The following COG2 variants were observed in gnomAD, a reference collection of about 807,000 sequenced individuals.
The protein encoded by COG2 is component of oligomeric golgi complex 2, also known as conserved oligomeric Golgi complex subunit 2.
Under a neutral mutation model 90.6 loss-of-function variants are expected in COG2, and 52 were observed. That is an observed-to-expected ratio of 0.57 (90% CI 0.46 to 0.72). The LOEUF (loss-of-function observed/expected upper bound fraction) is 0.72. Ranked by LOEUF, COG2 falls within the 30% of genes least tolerant of loss-of-function variation. COG2 has a pLI of 0.00. For synonymous variants in COG2, 337 were observed against 320.4 expected, an observed-to-expected ratio of 1.05 and a Z score of -0.55; for missense variants, 829 against 891.2, an observed-to-expected ratio of 0.93 and a Z score of 0.89.
At chr1:230,667,845 A>G (rs937980486) in intron 5 of COG2, among the ~76,000 whole-genome samples, 4 of 152,170 alleles carry the variant, frequency 2.6e-5, no homozygotes, top group Non-Finnish European at 4.4e-5. Flanking sequence ...ATGCCTCAGT[A>G]TACACAGCAA....
Position 230,659,490 on chromosome 1 carries a change from G to T in COG2, c.99G>T (p.Val33=). The change falls in exon 2 of 18, where the codon GTG becomes GTT. Residue 33 remains valine (V), a synonymous_variant. Transcript: ENST00000366669. ...AAGATTTCGATGTCGATCATTTTGT[G>T]TCTGACTGTAGGAAGCGGGTCCAGC... ...MKEDFDVDHF[V]SDCRKRVQLE... is the part of the protein sequence containing the mutation. The T allele has an allele frequency of 6.2e-7, 1 of 1,613,732 alleles. No homozygotes were observed. Among genetic ancestry groups the T allele is most frequent in the Non-Finnish European group, 8.5e-7 (1 of 1,179,832 alleles).
In COG2 at chr1:230,691,298, CTT is replaced by C. The variant is rs1014066681; in HGVS notation, c.1935-80_1935-79del. On this transcript the variant is annotated intron_variant, in intron 16 of 17. Coordinates refer to ENST00000366669, the MANE Select transcript of COG2 (RefSeq NM_007357.3). ...AAGTGAATTTTTATCTTAAAAATCT[CTT>C]TTTTTGGTCCACAAAGCCAGTTACT... The C allele has an allele frequency of 6.6e-6, 8 of 1,214,524 alleles. No homozygotes were observed. In the African/African-American group the frequency reaches 1.3e-4, roughly 19 times the overall value. The allele number at this position is 1,214,524 out of a possible 1,614,324, so 75.2% of individuals were successfully genotyped here. A position where few individuals can be genotyped will look rare whatever the true frequency, so the allele number is the denominator to read the frequency against.
Position 230,642,674 on chromosome 1 carries a change from T to C in COG2, c.68T>C (p.Met23Thr), listed in dbSNP as rs770208748. 4 of 1,612,598 alleles carry C rather than the reference T, an allele frequency of 2.5e-6. No homozygotes were observed. The highest frequency in any genetic ancestry group is 3.3e-5 in the Admixed American group (2 of 59,880). The stretch of plus-strand genomic sequence containing the variant: ...CTCTGCTTCGACAAGGACGAGTTCA[T>C]GAAGGTGCGCGCGGCGTCCGCTCCC... ...DTLCFDKDEF[M>T]KEDFDVDHFV... Residue 23 changes from methionine (M) to threonine (T), a missense_variant, in exon 1 of 18, where the codon ATG (methionine) becomes ACG (threonine). By Grantham distance (81) the Met-to-Thr change is moderately conservative. Transcript: ENST00000366669.
intron 1 of COG2, 34 bp downstream of exon 1, chr1:230,642,712 A>G (rs1439326081): frequency 1.9e-6 from 3 of 1,599,650 alleles, no homozygotes; most frequent in South Asian, 1.1e-5. Context: ...GAGCCGGGCC[A>G]TGAGGGTGCC....
chr1:230,645,630 A>G (rs1661751202), intron 1 of COG2, among the ~76,000 whole-genome samples: 1 of 152,206 alleles, frequency 6.6e-6, no homozygotes, highest in Non-Finnish European at 1.5e-5. Flanking sequence ...CAAGCGCATT[A>G]CATTTATTGT....
chr1:230,662,836 C>G (rs1662215297), intron 3 of COG2, among the ~76,000 whole-genome samples: 1 of 152,146 alleles, frequency 6.6e-6, no homozygotes, highest in African/African-American at 2.4e-5. Flanking sequence ...AGTCTCATCT[C>G]CCCCACCAGA....
intron 11 of COG2, 112 bp from the exon 12 acceptor site, chr1:230,684,973 C>T (rs1442426733): frequency 1.5e-6 from 2 of 1,297,828 alleles, no homozygotes; most frequent in African/African-American, 1.5e-5. Flanking sequence ...TGGTTTTCTT[C>T]AGAAGGCCAT....
chr1:230,688,648 A>G (rs1662946182), intron 15 of COG2, 86 bp downstream of exon 15: 2 of 1,441,114 alleles, frequency 1.4e-6, no homozygotes, highest in African/African-American at 2.8e-5. Flanking sequence ...GAAGCGGCGG[A>G]TTCCCAGGGT....
At chr1:230,682,169 C>G (rs1662764471) in intron 10 of COG2, 1 of 152,162 alleles carries the variant, frequency 6.6e-6, no homozygotes, top group Non-Finnish European at 1.5e-5. Flanking sequence ...CCAGTTTTTC[C>G]CTGATATAAA....
Position 230,686,965 on chromosome 1 carries a change from C to A in COG2, c.1411C>A (p.Pro471Thr). The A allele has an allele frequency of 1.3e-6, 2 of 1,593,094 alleles. No homozygotes were observed. Among genetic ancestry groups the A allele is most frequent in the South Asian group, 1.1e-5 (1 of 87,598 alleles). Residue 471 changes from proline (P) to threonine (T), a missense_variant, in exon 13 of 18, where the codon CCC (proline) becomes ACC (threonine). By Grantham distance (38) the Pro-to-Thr change is conservative. Coordinates refer to ENST00000366669, the MANE Select transcript of COG2 (RefSeq NM_007357.3). ...LSLRPISNESPKEIKKPLVTG... is the reference protein window; with the variant it reads ...LSLRPISNESTKEIKKPLVTG... Reference sequence around the variant, plus strand: ...ACTCAGGCCCATTTCTAATGAAAGTCCCAAGGAGATCAAGAAACCTTTGGT... The same window carrying A: ...ACTCAGGCCCATTTCTAATGAAAGTACCAAGGAGATCAAGAAACCTTTGGT...
Position 230,688,400 on chromosome 1 carries a change from CCAGTCTTTAATCTCAA to C in COG2, c.1652-16_1652-1del. 6.2e-7 allele frequency: 1 copy of C among 1,612,864 alleles called. No individual in the cohort carries two copies. The highest frequency in any genetic ancestry group is 2.2e-5 in the East Asian group (1 of 44,878). ...CTGGGCCTGAGCATGATGATTAAAT[CCAGTCTTTAATCTCAA>C]CAGCAGCCCTGGAGGACTCCCAGAG... On this transcript the variant is annotated splice_polypyrimidine_tract_variant and splice_region_variant and intron_variant, in intron 14 of 17. Transcript: ENST00000366669.
chr1:230,642,653 G>T lies in COG2; in HGVS notation c.47G>T (p.Cys16Phe). The T allele has an allele frequency of 6.2e-7, 1 of 1,613,136 alleles. No individual in the cohort carries two copies. Among genetic ancestry groups the T allele is most frequent in the Non-Finnish European group, 8.5e-7 (1 of 1,179,652 alleles). The change falls in exon 1 of 18, where the codon TGC (cysteine) becomes TTC (phenylalanine). Residue 16 changes from cysteine to phenylalanine, a missense_variant. Coordinates refer to ENST00000366669, the MANE Select transcript of COG2 (RefSeq NM_007357.3). ...MNLPKGPDTL[C>F]FDKDEFMKED... is the part of the protein sequence containing the mutation. ...CTGCCCAAGGGGCCGGACACGCTCT[G>T]CTTCGACAAGGACGAGTTCATGAAG... is the stretch of plus-strand genomic sequence containing the variant.
intron 11 of COG2, 36 bp from the exon 12 acceptor site, chr1:230,685,049 T>G: frequency 6.2e-7 from 1 of 1,610,322 alleles, no homozygotes; most frequent in Non-Finnish European, 8.5e-7. Flanking sequence ...TTGCCTGAAA[T>G]TCCTTAAATG....
At chr1:230,674,638 T>G (rs888494053) in intron 8 of COG2, among the ~76,000 whole-genome samples, 1 of 152,328 alleles carries the variant, frequency 6.6e-6, no homozygotes, top group South Asian at 2.1e-4. Flanking sequence ...AATGTGAAGG[T>G]TATTTTTCCT....
chr1:230,647,394 T>C (rs886795196), intron 1 of COG2, among the ~76,000 whole-genome samples: 2 of 152,182 alleles, frequency 1.3e-5, no homozygotes, highest in African/African-American at 4.8e-5. Flanking sequence ...ACAGGAGGTG[T>C]GTCCAAGAGA....
At chr1:230,649,954 A>G (rs1320316043) in intron 1 of COG2, among the ~76,000 whole-genome samples, 1 of 152,138 alleles carries the variant, frequency 6.6e-6, no homozygotes, top group African/African-American at 2.4e-5. Context: ...TGTCCCACTT[A>G]GAAGGGAGAT....
At chr1:230,676,506 A>G (rs775854422) in intron 9 of COG2, among the ~76,000 whole-genome samples, 1 of 152,066 alleles carries the variant, frequency 6.6e-6, no homozygotes. Flanking sequence ...CATAGTATAT[A>G]TTTTTGTTTC....
chr1:230,684,978 G>C, intron 11 of COG2, 107 bp from the exon 12 acceptor site: 2 of 1,321,130 alleles, frequency 1.5e-6, no homozygotes. Context: ...TTCTTCAGAA[G>C]GCCATTTTCT....
intron 11 of COG2, chr1:230,684,444 T>C (rs1015626092): frequency 6.5e-6 from 1 of 152,732 alleles, no homozygotes; most frequent in African/African-American, 2.4e-5. Flanking sequence ...GTTGTAGGTA[T>C]GTGGACTTAC....
Sources: gnomAD v4.1 joint callset for allele counts (sites outside exome capture counted in the v4.1 genomes callset) on GRCh38, gnomAD v4.1.1 for gene constraint, MANE v1.5 for transcripts, NCBI Gene and HGNC (gene_info 2026-07-23, HGNC 2026-07-21) for gene names.